INTS2: variants seen among roughly 807,000 people sequenced by gnomAD.
INTS2 encodes the protein integrator complex subunit 2, also known as KIAA1287.
Under a neutral mutation model 139.6 loss-of-function variants are expected in INTS2, and 57 were observed. The observed-to-expected ratio is 0.41, with a 90% CI of 0.33 to 0.51. The LOEUF (loss-of-function observed/expected upper bound fraction) is 0.51. INTS2 is among the 20% of genes least tolerant of loss of function. The pLI, the probability that INTS2 is intolerant of heterozygous loss-of-function variation, is 0.28. For synonymous variants in INTS2, 473 were observed against 493.4 expected, an observed-to-expected ratio of 0.96 and a Z score of 0.55; for missense variants, 1,196 against 1,436.7, an observed-to-expected ratio of 0.83 and a Z score of 2.71.
intron 5 of INTS2, among the ~76,000 whole-genome samples, chr17:61,918,955 C>T (rs549542229): frequency 2.8e-4 from 40 of 142,012 alleles, no homozygotes; most frequent in Non-Finnish European, 5.1e-4. Flanking sequence ...GACGGAGTCT[C>T]GCCCTGTCGC....
chr17:61,881,682 A>C (rs561112696), intron 16 of INTS2, among the ~76,000 whole-genome samples: 7 of 152,332 alleles, frequency 4.6e-5, no homozygotes, highest in Admixed American at 4.6e-4. Context: ...ATACCATCCC[A>C]GGTACTAGAT....
At chr17:61,884,690 A>G (rs1031207899) in intron 16 of INTS2, among the ~76,000 whole-genome samples, 6 of 152,146 alleles carry the variant, frequency 3.9e-5, no homozygotes, top group Non-Finnish European at 7.3e-5. Flanking sequence ...CTGAAAATAC[A>G]TATCAACTGA....
rs1395797915 is a variant in INTS2 at position 61,870,771 on chromosome 17, G to C, written c.2779-783C>G. On this transcript the variant is annotated intron_variant, in intron 20 of 24. Coordinates refer to ENST00000251334, the MANE Select transcript of INTS2 (RefSeq NM_001351695.2). The surrounding 1 kb of genome is among the most constrained non-coding windows in gnomAD (Gnocchi z 4.4). Reference sequence around the variant, plus strand: ...ACTACTTTATAATCATGGTTCTTGGGGAAAGGAGTTTTTGGTTATTGTTAT... The same window carrying C: ...ACTACTTTATAATCATGGTTCTTGGCGAAAGGAGTTTTTGGTTATTGTTAT... Among the ~76,000 whole-genome samples, 2 of 152,090 alleles carry C rather than the reference G, an allele frequency of 1.3e-5. No individual in the cohort carries two copies. The highest frequency in any genetic ancestry group is 2.4e-5 in the African/African-American group (1 of 41,406).
intron 17 of INTS2, among the ~76,000 whole-genome samples, chr17:61,879,508 T>G (rs778611293): frequency 3.3e-5 from 5 of 152,064 alleles, no homozygotes; most frequent in Non-Finnish European, 7.4e-5. Context: ...GGAGTCTTAG[T>G]GGGGGGTAAA....
rs898295651 is a variant in INTS2 at position 61,876,447 on chromosome 17, GA to G, written c.2457-1410del. Among the ~76,000 whole-genome samples the G allele has an allele frequency of 1.0e-4, 15 of 146,492 alleles. No homozygotes were observed. The South Asian group carries it at 2.1e-3, about 21-fold the overall frequency. Reference sequence around the variant, plus strand: ...AAAGCTCTGAAAGGAATGTCTCCAAGAAAAAAAAAATAGTGTTTCTTTTGTT... The same window carrying G: ...AAAGCTCTGAAAGGAATGTCTCCAAGAAAAAAAAATAGTGTTTCTTTTGTT... On this transcript the variant is annotated intron_variant, in intron 18 of 24. Transcript: ENST00000251334. The surrounding 1 kb of genome is among the most constrained non-coding windows in gnomAD (Gnocchi z 4.1).
chr17:61,918,296 GCAGT>G (rs2079603466), intron 5 of INTS2, among the ~76,000 whole-genome samples: 2 of 152,174 alleles, frequency 1.3e-5, no homozygotes, highest in Non-Finnish European at 2.9e-5. Flanking sequence ...AGGCTGGAGT[GCAGT>G]GGCACATATC....
At chr17:61,874,469 T>C (rs1017592195) in intron 19 of INTS2, among the ~76,000 whole-genome samples, 9 of 152,348 alleles carry the variant, frequency 5.9e-5, no homozygotes, top group African/African-American at 1.4e-4. Flanking sequence ...ATGCTGAAGT[T>C]TAGCAATTGG....
In INTS2 at chr17:61,869,542, T is replaced by C. The variant is rs902687580; in HGVS notation, c.3031-162A>G. On this transcript the variant is annotated intron_variant, in intron 21 of 24. Coordinates refer to ENST00000251334, the MANE Select transcript of INTS2 (RefSeq NM_001351695.2). This position sits in a 1 kb window ranked among gnomAD's most constrained non-coding sequence, Gnocchi z 5.4. ...ATTTCACTTTTCTGATGCACTAGAATAGAGATTAAACTATCGAACATTTCA... is the reference window on the plus strand; with the variant it reads ...ATTTCACTTTTCTGATGCACTAGAACAGAGATTAAACTATCGAACATTTCA... Among the ~76,000 whole-genome samples the C allele has an allele frequency of 2.6e-5, 4 of 151,768 alleles. No individual in the cohort carries two copies. Among genetic ancestry groups the C allele is most frequent in the African/African-American group, 9.7e-5 (4 of 41,316 alleles).
rs2079049193 is a variant in INTS2, at chr17:61,866,738, T to C, written c.*819A>G. Reference sequence around the variant, plus strand: ...GATACATATTTCCCCCCTCTGAGCATTAGGTAAGTTAATAAAGCATTATAA... The same window carrying C: ...GATACATATTTCCCCCCTCTGAGCACTAGGTAAGTTAATAAAGCATTATAA... On this transcript the variant is annotated 3_prime_UTR_variant, in exon 25 of 25. Coordinates refer to ENST00000251334, the MANE Select transcript of INTS2 (RefSeq NM_001351695.2). The C allele has an allele frequency of 6.6e-6, 1 of 152,298 alleles. No homozygotes were observed. Among genetic ancestry groups the C allele is most frequent in the Admixed American group, 6.5e-5 (1 of 15,300 alleles). The allele number at this position is 152,298 out of a possible 1,614,324, so 9.4% of individuals were successfully genotyped here.
chr17:61,872,493 C>G lies in INTS2; in HGVS notation c.2583-33G>C. On this transcript the variant is annotated intron_variant, in intron 19 of 24. Transcript: ENST00000251334. This position sits in a 1 kb window ranked among gnomAD's most constrained non-coding sequence, Gnocchi z 4.8. ...AGGAAAGCAGAAAAGAAAAATATAT[C>G]AGAAAGAATATAAATTTATAAATTA... The G allele has an allele frequency of 7.4e-7, 1 of 1,356,530 alleles. No homozygotes were observed. Among genetic ancestry groups the G allele is most frequent in the Admixed American group, 2.2e-5 (1 of 45,888 alleles). The allele number at this position is 1,356,530 out of a possible 1,614,324, so 84.0% of individuals were successfully genotyped here. A position where few individuals can be genotyped will look rare whatever the true frequency, so the allele number is the denominator to read the frequency against.
In INTS2 at chr17:61,882,993, T is replaced by C. The variant is rs1482084266; in HGVS notation, c.2090-1822A>G. ...CGTTCTCATAGAAACAGCTTAAAATTGATGTTTCTGTGTTTGAAAAGACAT... is the reference window on the plus strand; with the variant it reads ...CGTTCTCATAGAAACAGCTTAAAATCGATGTTTCTGTGTTTGAAAAGACAT... On this transcript the variant is annotated intron_variant, in intron 16 of 24. Coordinates refer to ENST00000251334, the MANE Select transcript of INTS2 (RefSeq NM_001351695.2). This position sits in a 1 kb window ranked among gnomAD's most constrained non-coding sequence, Gnocchi z 4.7. Among the ~76,000 whole-genome samples the C allele has an allele frequency of 6.6e-6, 1 of 152,168 alleles. No individual in the cohort carries two copies. Among genetic ancestry groups the C allele is most frequent in the African/African-American group, 2.4e-5 (1 of 41,432 alleles).
Position 61,870,047 on chromosome 17 carries a change from C to G in INTS2, c.2779-59G>C, listed in dbSNP as rs2079077007. On this transcript the variant is annotated intron_variant, in intron 20 of 24. Transcript: ENST00000251334. The surrounding 1 kb of genome is among the most constrained non-coding windows in gnomAD (Gnocchi z 4.4). Reference sequence around the variant, plus strand: ...GTTTCTAAGAAGTTAAAAAACAAATCAGATTTTATTTTCACATGAACAGAT... The same window carrying G: ...GTTTCTAAGAAGTTAAAAAACAAATGAGATTTTATTTTCACATGAACAGAT... 3 of 1,458,534 alleles carry G rather than the reference C, an allele frequency of 2.1e-6. No homozygotes were observed. The highest frequency in any genetic ancestry group is 4.6e-5 in the East Asian group (2 of 43,200). The allele number at this position is 1,458,534 out of a possible 1,614,324, so 90.3% of individuals were successfully genotyped here.
At chr17:61,919,900 G>C (rs1229394266) in intron 4 of INTS2, among the ~76,000 whole-genome samples, 1 of 151,986 alleles carries the variant, frequency 6.6e-6, no homozygotes, top group Non-Finnish European at 1.5e-5. Context: ...AACCAAAAAT[G>C]ACATTTCATT....
intron 1 of INTS2, chr17:61,927,388 A>G (rs2079727311): frequency 6.2e-6 from 1 of 160,754 alleles, no homozygotes; most frequent in African/African-American, 2.4e-5. Flanking sequence ...GTGAGCTGGC[A>G]GCCAAAGCAG....
Position 61,875,577 on chromosome 17 carries a change from T to A in INTS2, c.2457-539A>T, listed in dbSNP as rs1210348391. Among the ~76,000 whole-genome samples, 1 of 152,200 alleles carries A rather than the reference T, an allele frequency of 6.6e-6. No individual in the cohort carries two copies. Among genetic ancestry groups the A allele is most frequent in the Non-Finnish European group, 1.5e-5 (1 of 68,046 alleles). ...ACTGCACATCATAATTACTAAGGGT[T>A]ATGCAAATACAGAAGGTACTTGATC... On this transcript the variant is annotated intron_variant, in intron 18 of 24. Transcript: ENST00000251334. This position sits in a 1 kb window ranked among gnomAD's most constrained non-coding sequence, Gnocchi z 4.6.
At position 61,867,785 on chromosome 17, in the gene INTS2, T is replaced by C. The variant is rs1347585280; in HGVS notation, c.3421+48A>G. The C allele has an allele frequency of 1.3e-6, 2 of 1,561,086 alleles. No homozygotes were observed. Among genetic ancestry groups the C allele is most frequent in the East Asian group, 2.3e-5 (1 of 44,298 alleles). ...AGAAATTTGGAAAGGAATTTGGCCT[T>C]TTTGTTTGAGATATTAAGATAACCC... On this transcript the variant is annotated intron_variant, in intron 24 of 24. Transcript: ENST00000251334. The surrounding 1 kb of genome is among the most constrained non-coding windows in gnomAD (Gnocchi z 5.6).
rs774354018 is a variant in INTS2 at position 61,867,527 on chromosome 17, A to C, written c.*30T>G. On this transcript the variant is annotated 3_prime_UTR_variant, in exon 25 of 25. Coordinates refer to ENST00000251334, the MANE Select transcript of INTS2 (RefSeq NM_001351695.2). The surrounding 1 kb of genome is among the most constrained non-coding windows in gnomAD (Gnocchi z 5.6). ...CAGATTCATGTTGGGTATATGCAGC[A>C]AACAACTTTTTGTTGTTTTAAATTT... 6.7e-7 allele frequency: 1 copy of C among 1,499,484 alleles called. No homozygotes were observed. The highest frequency in any genetic ancestry group is 9.2e-7 in the Non-Finnish European group (1 of 1,090,862). 92.9% of individuals were successfully genotyped at this position (1,499,484 alleles called of 1,614,324 possible). A position where few individuals can be genotyped will look rare whatever the true frequency, so the allele number is the denominator to read the frequency against.
chr17:61,886,562 T>A (rs1373733562), intron 15 of INTS2, among the ~76,000 whole-genome samples: 1 of 152,230 alleles, frequency 6.6e-6, no homozygotes. Context: ...GCGGCCATAG[T>A]CATCTTATTT....
At chr17:61,877,285 A>G (rs2079134876) in intron 18 of INTS2, among the ~76,000 whole-genome samples, 2 of 152,244 alleles carry the variant, frequency 1.3e-5, no homozygotes, top group Non-Finnish European at 2.9e-5. Flanking sequence ...AGTCTAAAAT[A>G]CAAAGGTGTG....
Sources: allele counts gnomAD v4.1 joint callset (sites outside exome capture counted in the v4.1 genomes callset), GRCh38; gene constraint gnomAD v4.1.1; non-coding constraint Gnocchi (gnomAD v3.1); transcripts MANE v1.5; gene names NCBI Gene and HGNC (gene_info 2026-07-23, HGNC 2026-07-21).